ROBO2: variants seen among roughly 807,000 people sequenced by gnomAD.
ROBO2 encodes roundabout guidance receptor 2.
A neutral mutation model predicts 160.8 loss-of-function variants in ROBO2; 53 were observed. The observed-to-expected ratio is 0.33, with a 90% CI of 0.26 to 0.41. ROBO2 has a LOEUF of 0.41. ROBO2 is among the 10% of genes least tolerant of loss of function. The pLI is 1.00. For missense variants in ROBO2, 1,577 were observed against 1,722.4 expected (o/e 0.92, Z 1.49); for synonymous variants, 664 against 611.7 (o/e 1.09, Z -1.26).
intron 2 of ROBO2, among the ~76,000 whole-genome samples, chr3:75,969,200 A>G (rs899873932): frequency 2.8e-4 from 42 of 149,682 alleles, no homozygotes; most frequent in African/African-American, 1.0e-3. Context: ...AATATATTAT[A>G]ACTATACATC....
chr3:77,147,424 T>TA (rs1189049282), intron 2 of ROBO2, among the ~76,000 whole-genome samples: 1 of 152,176 alleles, frequency 6.6e-6, no homozygotes, highest in Non-Finnish European at 1.5e-5. Flanking sequence ...CAGATATTGT[T>TA]ACTATTAAGA....
intron 2 of ROBO2, among the ~76,000 whole-genome samples, chr3:77,295,797 A>C (rs1213079201): frequency 6.8e-6 from 1 of 147,788 alleles, no homozygotes; most frequent in Non-Finnish European, 1.5e-5. Context: ...TAAATGGGTA[A>C]GCTGAGGCTA....
intron 2 of ROBO2, among the ~76,000 whole-genome samples, chr3:76,173,669 A>G (rs1208257999): frequency 6.6e-6 from 1 of 152,126 alleles, no homozygotes; most frequent in Non-Finnish European, 1.5e-5. Flanking sequence ...AGCTTCATCC[A>G]TGTCCCTGAA....
At chr3:77,276,121 A>G (rs551860364) in intron 2 of ROBO2, among the ~76,000 whole-genome samples, 1 of 151,604 alleles carries the variant, frequency 6.6e-6, no homozygotes, top group Non-Finnish European at 1.5e-5. Flanking sequence ...AGTCAGGTGT[A>G]CTCCCTTCCA....
chr3:77,223,806 T>G (rs2086136023), intron 2 of ROBO2, among the ~76,000 whole-genome samples: 1 of 152,058 alleles, frequency 6.6e-6, no homozygotes. Flanking sequence ...ATCTCATTTT[T>G]TCTTCCTTCT....
chr3:76,990,437 A>G (rs947101098), intron 2 of ROBO2, among the ~76,000 whole-genome samples: 2 of 152,214 alleles, frequency 1.3e-5, no homozygotes, highest in Admixed American at 6.5e-5. Flanking sequence ...AGTAAATACT[A>G]GCTCTACCTA....
At chr3:77,347,649 A>G (rs1463766909) in intron 2 of ROBO2, among the ~76,000 whole-genome samples, 3 of 152,078 alleles carry the variant, frequency 2.0e-5, no homozygotes, top group Non-Finnish European at 2.9e-5. Flanking sequence ...CTTTCACATT[A>G]CTAATTATGA....
chr3:76,434,323 C>A, intron 2 of ROBO2: 1 of 1,154,960 alleles, frequency 8.7e-7, no homozygotes, highest in Non-Finnish European at 1.3e-6. Context: ...GCACCCATCT[C>A]AGAGCAGATC....
At chr3:77,210,347 G>A (rs1487301374) in intron 2 of ROBO2, among the ~76,000 whole-genome samples, 1 of 151,874 alleles carries the variant, frequency 6.6e-6, no homozygotes, top group African/African-American at 2.4e-5. Context: ...TTTTGTAATA[G>A]TAATTAATTT....
intron 24 of ROBO2, among the ~76,000 whole-genome samples, chr3:77,638,159 C>T (rs1023569671): frequency 6.6e-6 from 1 of 152,094 alleles, no homozygotes; most frequent in South Asian, 2.1e-4. Context: ...AATGCATATG[C>T]CATAGCATTT....
chr3:76,421,977 T>C (rs187350519), intron 2 of ROBO2, among the ~76,000 whole-genome samples: 122 of 152,246 alleles, frequency 8.0e-4, no homozygotes, highest in African/African-American at 2.8e-3. Flanking sequence ...CTTCCTGACA[T>C]GCACATATTG....
intron 2 of ROBO2, among the ~76,000 whole-genome samples, chr3:76,333,269 G>A (rs2073626492): frequency 6.6e-6 from 1 of 152,098 alleles, no homozygotes; most frequent in South Asian, 2.1e-4. Context: ...TTGAGATAAT[G>A]TATCTAAAAT....
intron 2 of ROBO2, among the ~76,000 whole-genome samples, chr3:77,116,220 A>G (rs2074185025): frequency 6.6e-6 from 1 of 152,174 alleles, no homozygotes; most frequent in South Asian, 2.1e-4. Flanking sequence ...GTTGGTCTTT[A>G]TAATCACATA....
At chr3:77,573,823 C>A (rs1276405395) in intron 13 of ROBO2, among the ~76,000 whole-genome samples, 1 of 151,860 alleles carries the variant, frequency 6.6e-6, no homozygotes, top group East Asian at 1.9e-4. Context: ...CTCTTGGCAC[C>A]TCTCATTCTT....
intron 2 of ROBO2, among the ~76,000 whole-genome samples, chr3:76,308,242 T>C (rs1270857123): frequency 2.0e-5 from 3 of 150,438 alleles, no homozygotes; most frequent in Admixed American, 2.0e-4. Context: ...CTGGGCGTGG[T>C]GGTGGGCGCC....
chr3:76,669,702 A>G (rs1432096670), intron 2 of ROBO2, among the ~76,000 whole-genome samples: 1 of 152,208 alleles, frequency 6.6e-6, no homozygotes, highest in Non-Finnish European at 1.5e-5. Context: ...GGACACAGAT[A>G]AAAGCAATGT....
chr3:76,515,380 A>T (rs766855246), intron 2 of ROBO2, among the ~76,000 whole-genome samples: 1 of 152,160 alleles, frequency 6.6e-6, no homozygotes, highest in Non-Finnish European at 1.5e-5. Context: ...TTTATTCTCA[A>T]ATGTATATTT....
chr3:77,458,093 G>A (rs546300285), intron 2 of ROBO2, among the ~76,000 whole-genome samples: 2 of 152,174 alleles, frequency 1.3e-5, no homozygotes, highest in South Asian at 2.1e-4. Flanking sequence ...GATAAGAGGC[G>A]CCATTATCCC....
intron 2 of ROBO2, among the ~76,000 whole-genome samples, chr3:76,816,947 C>A (rs2065717053): frequency 6.6e-6 from 1 of 152,074 alleles, no homozygotes; most frequent in African/African-American, 2.4e-5. Context: ...TGGAAACCAT[C>A]ATTCTCAGCA....
Sources: allele counts gnomAD v4.1 joint callset (sites outside exome capture counted in the v4.1 genomes callset), GRCh38; gene constraint gnomAD v4.1.1; transcripts MANE v1.5; gene names NCBI Gene and HGNC (gene_info 2026-07-23, HGNC 2026-07-21).